RAB7A: variants seen among roughly 807,000 people sequenced by gnomAD.
RAB7A encodes RAB7A, member RAS oncogene family.
In RAB7A, 2 loss-of-function variants were observed where a neutral mutation model predicts 24.5. The observed-to-expected ratio is 0.08, with a 90% CI of 0.03 to 0.26. The LOEUF (loss-of-function observed/expected upper bound fraction) is 0.26, where lower values mean the gene tolerates loss of function less well. RAB7A is among the 10% of genes least tolerant of loss of function. The pLI, the probability that RAB7A is intolerant of heterozygous loss-of-function variation, is 1.00. For synonymous variants in RAB7A, 100 were observed against 95.9 expected (o/e 1.04, Z -0.25); for missense variants, 118 against 255.7 (o/e 0.46, Z 3.67).
At chr3:128,794,565 T>G (rs192764189) in intron 1 of RAB7A, among the ~76,000 whole-genome samples, 1 of 152,214 alleles carries the variant, frequency 6.6e-6, no homozygotes, top group East Asian at 1.9e-4. Flanking sequence ...TCCCATTCAT[T>G]TTCTGGAAGT....
chr3:128,745,641 C>G (rs2070606113), intron 1 of RAB7A, among the ~76,000 whole-genome samples: 1 of 152,222 alleles, frequency 6.6e-6, no homozygotes, highest in Non-Finnish European at 1.5e-5. Context: ...GCTGGGATTA[C>G]CGGCCTGAGC....
chr3:128,754,219 G>T (rs970059609), intron 1 of RAB7A, among the ~76,000 whole-genome samples: 3 of 152,152 alleles, frequency 2.0e-5, no homozygotes, highest in Admixed American at 2.0e-4. Context: ...GAAGTTATTA[G>T]TCTGTGTTTT....
chr3:128,735,405 G>A (rs1236696691), intron 1 of RAB7A, among the ~76,000 whole-genome samples: 1 of 152,230 alleles, frequency 6.6e-6, no homozygotes, highest in Non-Finnish European at 1.5e-5. Flanking sequence ...GTTCAACCAA[G>A]TGGCACTTCA....
intron 1 of RAB7A, among the ~76,000 whole-genome samples, chr3:128,762,246 G>T: frequency 6.6e-6 from 1 of 152,100 alleles, no homozygotes; most frequent in East Asian, 1.9e-4. Flanking sequence ...ACTTTCCTGT[G>T]TGAAGATTAA....
intron 3 of RAB7A, among the ~76,000 whole-genome samples, chr3:128,802,503 A>G (rs532437313): frequency 2.0e-5 from 3 of 152,182 alleles, no homozygotes; most frequent in African/African-American, 7.2e-5. Context: ...TTATTTATGT[A>G]TGTATGTATT....
intron 3 of RAB7A, among the ~76,000 whole-genome samples, chr3:128,804,367 T>C (rs1183887786): frequency 1.3e-5 from 2 of 152,214 alleles, no homozygotes; most frequent in Non-Finnish European, 2.9e-5. Context: ...AGAGAACAGC[T>C]GCCCCTTTCC....
intron 1 of RAB7A, chr3:128,764,808 C>G: frequency 1.1e-6 from 1 of 902,956 alleles, no homozygotes; most frequent in East Asian, 2.4e-5. Context: ...GCAGCTTCAT[C>G]AGTTTCTCGG....
chr3:128,801,679 A>C (rs2107613752), intron 3 of RAB7A, among the ~76,000 whole-genome samples: 1 of 152,298 alleles, frequency 6.6e-6, no homozygotes, highest in African/African-American at 2.4e-5. Context: ...GAAATATGAA[A>C]GAAATAAGTG....
At chr3:128,775,623 G>T (rs1158373713) in intron 1 of RAB7A, among the ~76,000 whole-genome samples, 1 of 152,190 alleles carries the variant, frequency 6.6e-6, no homozygotes, top group Non-Finnish European at 1.5e-5. Context: ...CAAGTGTGGA[G>T]ACAGATTATC....
intron 1 of RAB7A, among the ~76,000 whole-genome samples, chr3:128,782,857 A>T (rs1359066503): frequency 6.6e-6 from 1 of 152,056 alleles, no homozygotes; most frequent in African/African-American, 2.4e-5. Context: ...TGCTTCAGAG[A>T]ATTCTCCTTG....
At chr3:128,802,738 A>G (rs1159994326) in intron 3 of RAB7A, among the ~76,000 whole-genome samples, 2 of 151,094 alleles carry the variant, frequency 1.3e-5, no homozygotes, top group Non-Finnish European at 2.9e-5. Context: ...TGATCTCTTG[A>G]CCTCATGATC....
intron 1 of RAB7A, chr3:128,764,406 A>G: frequency 2.8e-6 from 2 of 717,480 alleles, no homozygotes; most frequent in Non-Finnish European, 5.1e-6. Flanking sequence ...CCCAACATGC[A>G]TGCACTGCCT....
At position 128,728,682 on chromosome 3, in the gene RAB7A, G is replaced by A. The variant is rs577366390; in HGVS notation, c.-9+2323G>A. 5.9e-5 allele frequency among the ~76,000 whole-genome samples: 9 copies of A among 152,160 alleles called. No individual in the cohort carries two copies. The South Asian group carries it at 1.5e-3, about 25-fold the overall frequency. ...TCTCCATGTTGGTCAGGCTGGTCTC[G>A]AACTGCCTACCTCAGGTGATCCGCC... On this transcript the variant is annotated intron_variant, in intron 1 of 5. Coordinates refer to ENST00000265062, the MANE Select transcript of RAB7A (RefSeq NM_004637.6).
At chr3:128,743,335 C>T (rs947580839) in intron 1 of RAB7A, among the ~76,000 whole-genome samples, 3 of 152,208 alleles carry the variant, frequency 2.0e-5, no homozygotes, top group Non-Finnish European at 2.9e-5. Context: ...CAGAGGGAGC[C>T]GGCTCCAGCC....
At chr3:128,750,529 T>C (rs1037129612) in intron 1 of RAB7A, among the ~76,000 whole-genome samples, 1 of 152,176 alleles carries the variant, frequency 6.6e-6, no homozygotes, top group African/African-American at 2.4e-5. Context: ...CCCAAAGTGC[T>C]GGGGTTACAG....
Position 128,806,499 on chromosome 3 carries a change from G to T in RAB7A, c.308G>T (p.Arg103Ile), listed in dbSNP as rs1415488185. The change falls in exon 4 of 6, where the codon AGA becomes ATA. Residue 103 changes from arginine (R) to isoleucine (I), a missense_variant. Arg to Ile is a moderately conservative substitution (Grantham distance 97). Around this residue, in one of 2 missense-constraint regions of RAB7A, gnomAD observed 52 missense variants for 173.5 expected, o/e 0.30. Transcript: ENST00000265062. ...ACATTCAAAACCCTAGATAGCTGGA[G>T]AGATGAGTTTCTCATCCAGGCCAGT... ...PNTFKTLDSW[R>I]DEFLIQASPR... 1 of 1,613,940 alleles carries T rather than the reference G, an allele frequency of 6.2e-7. No individual in the cohort carries two copies. The highest frequency in any genetic ancestry group is 8.5e-7 in the Non-Finnish European group (1 of 1,179,980).
intron 1 of RAB7A, among the ~76,000 whole-genome samples, chr3:128,746,471 T>C (rs1023156668): frequency 1.3e-5 from 2 of 152,184 alleles, no homozygotes; most frequent in Non-Finnish European, 2.9e-5. Context: ...GGTCTCACTG[T>C]ATTGACCGGG....
chr3:128,807,719 T>G (rs1445897817), intron 5 of RAB7A, 48 bp downstream of exon 5: 2 of 1,613,046 alleles, frequency 1.2e-6, no homozygotes, highest in African/African-American at 2.7e-5. Flanking sequence ...GCCTGACCAC[T>G]GACCCAGTCC....
chr3:128,731,613 C>G (rs780733488), intron 1 of RAB7A, among the ~76,000 whole-genome samples: 4 of 152,208 alleles, frequency 2.6e-5, no homozygotes, highest in East Asian at 3.8e-4. Context: ...GAATGTCAGT[C>G]TAGGTCTGCT....
Sources: allele counts gnomAD v4.1 joint callset (sites outside exome capture counted in the v4.1 genomes callset), GRCh38; gene constraint gnomAD v4.1.1; regional missense constraint gnomAD v4.1.1; transcripts MANE v1.5; gene names NCBI Gene and HGNC (gene_info 2026-07-23, HGNC 2026-07-21).